Variants in RBFOX1 observed in about 807,000 individuals in gnomAD.
The protein encoded by RBFOX1 is RNA binding protein fox-1 homolog 1.
RBFOX1 carries 8 observed loss-of-function variants against 57.7 expected under a neutral mutation model. The ratio of observed to expected loss-of-function variants is 0.14; its 90% confidence interval spans 0.08 to 0.25. The LOEUF (loss-of-function observed/expected upper bound fraction) is 0.25, where lower values mean the gene tolerates loss of function less well. RBFOX1 is among the 10% of genes least tolerant of loss of function. RBFOX1 has a pLI of 1.00. For missense variants in RBFOX1, 611 were observed against 548.5 expected, an observed-to-expected ratio of 1.11 and a Z score of -1.14; for synonymous variants, 326 against 222.4, an observed-to-expected ratio of 1.47 and a Z score of -4.15.
At chr16:7,198,113 C>T (rs569962486) in intron 4 of RBFOX1, among the ~76,000 whole-genome samples, 1 of 145,932 alleles carries the variant, frequency 6.9e-6, no homozygotes, top group East Asian at 2.2e-4. Context: ...TCACGCCATT[C>T]TCCTGCCTCA....
At chr16:6,550,172 A>C (rs1000616645) in intron 2 of RBFOX1, among the ~76,000 whole-genome samples, 1 of 151,574 alleles carries the variant, frequency 6.6e-6, no homozygotes, top group African/African-American at 2.4e-5. Flanking sequence ...TTCATGGTAC[A>C]CTTCTTTTTT....
chr16:5,479,739 C>T lies in RBFOX1; in HGVS notation c.258+12485C>T, dbSNP rs143414436. Among the ~76,000 whole-genome samples, 970 of 152,024 alleles carry T rather than the reference C, an allele frequency of 6.4e-3. 10 individuals are homozygous for T. Among genetic ancestry groups the T allele is most frequent in the African/African-American group, 0.022 (930 of 41,464 alleles). ...GCGCCATTCCAGCCTGAGACAAGAA[C>T]GAAACTCCATCCCCGCCCCTCACCC... On this transcript the variant is annotated intron_variant, in intron 2 of 2. Coordinates refer to the RBFOX1 transcript ENST00000585867.
intron 4 of RBFOX1, among the ~76,000 whole-genome samples, chr16:7,472,089 G>A (rs1252927205): frequency 6.6e-6 from 1 of 152,108 alleles, no homozygotes; most frequent in African/African-American, 2.4e-5. Flanking sequence ...AGCATATCCT[G>A]CCTGGTAGTT....
intron 4 of RBFOX1, among the ~76,000 whole-genome samples, chr16:7,473,173 G>A (rs1019195730): frequency 6.6e-6 from 1 of 152,050 alleles, no homozygotes; most frequent in Non-Finnish European, 1.5e-5. Context: ...AAGCCCAGGA[G>A]TTTGAGACCA....
chr16:6,765,010 G>C (rs2077130244), intron 3 of RBFOX1, among the ~76,000 whole-genome samples: 1 of 150,920 alleles, frequency 6.6e-6, no homozygotes, highest in Non-Finnish European at 1.5e-5. Flanking sequence ...GTGTGTGTTG[G>C]CTAAGGTTTT....
chr16:5,857,141 A>G (rs552594094), intron 3 of RBFOX1, among the ~76,000 whole-genome samples: 1 of 152,234 alleles, frequency 6.6e-6, no homozygotes, highest in Non-Finnish European at 1.5e-5. Context: ...TGATTTCAGT[A>G]TTATTGTGTC....
At chr16:7,666,955 G>C (rs1441872845) in intron 13 of RBFOX1, among the ~76,000 whole-genome samples, 1 of 152,116 alleles carries the variant, frequency 6.6e-6, no homozygotes, top group African/African-American at 2.4e-5. Context: ...TAAGTTGTCT[G>C]ATATGTTTGT....
At chr16:6,812,893 C>T (rs926575358) in intron 3 of RBFOX1, among the ~76,000 whole-genome samples, 1 of 152,152 alleles carries the variant, frequency 6.6e-6, no homozygotes, top group Non-Finnish European at 1.5e-5. Flanking sequence ...TCCATCATGT[C>T]AGAGTGACGA....
At chr16:6,083,391 CAT>C (rs2096037499) in intron 1 of RBFOX1, among the ~76,000 whole-genome samples, 1 of 152,202 alleles carries the variant, frequency 6.6e-6, no homozygotes, top group Non-Finnish European at 1.5e-5. Context: ...ATATTTAAAA[CAT>C]GTGTTCCTAG....
At chr16:7,138,203 G>T (rs991976072) in intron 4 of RBFOX1, among the ~76,000 whole-genome samples, 6 of 152,184 alleles carry the variant, frequency 3.9e-5, no homozygotes, top group African/African-American at 1.4e-4. Flanking sequence ...GGGGCAATGA[G>T]GATGGCGAAA....
chr16:7,366,455 T>G (rs2097450215), intron 4 of RBFOX1, among the ~76,000 whole-genome samples: 1 of 152,200 alleles, frequency 6.6e-6, no homozygotes, highest in African/African-American at 2.4e-5. Context: ...TCCAGCCTTC[T>G]GCCTCCAGGC....
intron 2 of RBFOX1, among the ~76,000 whole-genome samples, chr16:6,601,090 A>T (rs368921615): frequency 1.3e-5 from 2 of 152,240 alleles, no homozygotes; most frequent in African/African-American, 4.8e-5. Flanking sequence ...ATAGAGTAGC[A>T]ACAGCTTAGG....
chr16:5,752,708 G>A (rs909068861), intron 3 of RBFOX1, among the ~76,000 whole-genome samples: 14 of 152,146 alleles, frequency 9.2e-5, no homozygotes, highest in African/African-American at 1.7e-4. Context: ...AGGTGAGGGC[G>A]TATAAGCAGT....
At chr16:7,194,724 G>A (rs7206376) in intron 4 of RBFOX1, among the ~76,000 whole-genome samples, 1 of 151,376 alleles carries the variant, frequency 6.6e-6, no homozygotes, top group Non-Finnish European at 1.5e-5. Flanking sequence ...GCCCTGGAGT[G>A]CAAGACCAGC....
chr16:5,499,385 C>T (rs2043111202), intron 2 of RBFOX1, among the ~76,000 whole-genome samples: 2 of 152,078 alleles, frequency 1.3e-5, no homozygotes, highest in South Asian at 2.1e-4. Flanking sequence ...TTCCTGTCTC[C>T]CTTCTGCTCA....
chr16:6,680,420 A>G (rs572699471), intron 3 of RBFOX1, among the ~76,000 whole-genome samples: 1 of 150,760 alleles, frequency 6.6e-6, no homozygotes, highest in Non-Finnish European at 1.5e-5. Context: ...CTGCCACCAC[A>G]CCTGGCTAAT....
At chr16:6,564,986 C>T (rs1217943350) in intron 2 of RBFOX1, among the ~76,000 whole-genome samples, 1 of 151,830 alleles carries the variant, frequency 6.6e-6, no homozygotes, top group African/African-American at 2.4e-5. Flanking sequence ...ACTAAAAATA[C>T]AAAAATTAGC....
At chr16:6,483,985 G>C (rs1013881678) in intron 2 of RBFOX1, 1 of 1,015,396 alleles carries the variant, frequency 9.8e-7, no homozygotes, top group East Asian at 8.7e-5. Flanking sequence ...GTGCCCCGTG[G>C]TGGGGGTGGT....
intron 4 of RBFOX1, among the ~76,000 whole-genome samples, chr16:7,149,174 C>T (rs915307768): frequency 6.6e-6 from 1 of 152,066 alleles, no homozygotes; most frequent in African/African-American, 2.4e-5. Flanking sequence ...GCCCAGTTTC[C>T]CCAATTCTCC....
Sources: allele counts gnomAD v4.1 joint callset (sites outside exome capture counted in the v4.1 genomes callset), GRCh38; gene constraint gnomAD v4.1.1; transcripts MANE v1.5; gene names NCBI Gene and HGNC (gene_info 2026-07-23, HGNC 2026-07-21).